The following SHLD1 variants were observed in gnomAD, a reference collection of about 807,000 sequenced individuals.
SHLD1 encodes RINN1-REV7-interacting novel NHEJ regulator 3.
A neutral mutation model predicts 5.5 loss-of-function variants in SHLD1; 3 were observed. The observed-to-expected ratio is 0.54, with a 90% confidence interval of 0.25 to 1.40. The LOEUF is 1.40. Among genes scored for constraint, SHLD1 ranks in the 40% most tolerant of loss-of-function variants. The pLI is 0.15. For missense variants in SHLD1, 210 were observed against 244.4 expected (o/e 0.86, Z 0.94); for synonymous variants, 92 against 94.3 (o/e 0.98, Z 0.14).
intron 2 of SHLD1, among the ~76,000 whole-genome samples, chr20:5,826,963 C>T (rs1030479086): frequency 5.3e-5 from 8 of 152,070 alleles, no homozygotes; most frequent in East Asian, 3.9e-4. Context: ...TCTCCCAGAC[C>T]CTCCCTCTCT....
At chr20:5,829,415 GCTTA>G (rs969940238) in intron 2 of SHLD1, among the ~76,000 whole-genome samples, 12 of 151,758 alleles carry the variant, frequency 7.9e-5, no homozygotes. Context: ...CTCTTATGAA[GCTTA>G]TATACTGGAG....
chr20:5,854,917 G>C (rs1953043261), intron 2 of SHLD1, among the ~76,000 whole-genome samples: 1 of 146,590 alleles, frequency 6.8e-6, no homozygotes, highest in African/African-American at 2.6e-5. Context: ...ACCCAGGCTG[G>C]AGTCCAGTGG....
At chr20:5,765,204 GAAAA>G (rs1050308978) in intron 1 of SHLD1, 2 of 147,294 alleles carry the variant, frequency 1.4e-5, no homozygotes, top group East Asian at 3.9e-4. Flanking sequence ...ACTGTGCGCA[GAAAA>G]AAAAAAGAAT....
chr20:5,800,851 G>T (rs910323741), intron 2 of SHLD1, among the ~76,000 whole-genome samples: 1 of 40,194 alleles, frequency 2.5e-5, no homozygotes, highest in Non-Finnish European at 5.4e-5. Context: ...CTGTGTGTGT[G>T]TGTGTGCGTA....
At chr20:5,819,849 T>C (rs1258487155) in intron 2 of SHLD1, among the ~76,000 whole-genome samples, 1 of 152,140 alleles carries the variant, frequency 6.6e-6, no homozygotes, top group Non-Finnish European at 1.5e-5. Flanking sequence ...AAAATCATCA[T>C]GTAACTTGCT....
At chr20:5,847,953 G>GC (rs1293815762) in intron 2 of SHLD1, among the ~76,000 whole-genome samples, 10 of 152,126 alleles carry the variant, frequency 6.6e-5, no homozygotes, top group African/African-American at 2.4e-4. Flanking sequence ...GTTCACTGAG[G>GC]CCTTATTTGT....
At chr20:5,795,539 C>A (rs2122318943) in intron 2 of SHLD1, among the ~76,000 whole-genome samples, 1 of 135,830 alleles carries the variant, frequency 7.4e-6, no homozygotes, top group African/African-American at 2.9e-5. Context: ...GCAGAGGTTG[C>A]AGTGAGCTGA....
At chr20:5,814,026 C>T (rs2122385178) in intron 2 of SHLD1, among the ~76,000 whole-genome samples, 1 of 139,968 alleles carries the variant, frequency 7.1e-6, no homozygotes, top group East Asian at 2.2e-4. Context: ...AGTCTCAGCT[C>T]ACTGCAAACG....
rs55776293 is a variant in SHLD1, at chr20:5,854,872, C to CTTTTTTT, written c.179-8146_179-8140dup. On this transcript the variant is annotated intron_variant, in intron 2 of 2. Transcript: ENST00000303142. ...CATTCTGTTTTCTGTCTCTATGACT[C>CTTTTTTT]TTTTTTTTTTTTAAGAGACAGGTCT... Among the ~76,000 whole-genome samples, 4 of 130,052 alleles carry CTTTTTTT rather than the reference C, an allele frequency of 3.1e-5. 1 individual carries two copies. The highest frequency in any genetic ancestry group is 4.8e-4 in the South Asian group (2 of 4,140). 85.3% of individuals were successfully genotyped at this position (130,052 alleles called of 152,430 possible). A position where few individuals can be genotyped will look rare whatever the true frequency, so the allele number is the denominator to read the frequency against.
At chr20:5,836,508 T>G (rs568456744) in intron 2 of SHLD1, among the ~76,000 whole-genome samples, 1 of 152,246 alleles carries the variant, frequency 6.6e-6, no homozygotes, top group Non-Finnish European at 1.5e-5. Flanking sequence ...CTAGCCACAG[T>G]GGCCTCTCAT....
rs147522456 is a variant in SHLD1 at position 5,800,620 on chromosome 20, G to A, written c.178+27577G>A. ...AAGGAGAATTGCTTGAACCTGGGGC[G>A]GAGGTTGCAGTGAGCCAAGATTGTG... On this transcript the variant is annotated intron_variant, in intron 2 of 2. Coordinates refer to ENST00000303142, the MANE Select transcript of SHLD1 (RefSeq NM_152504.4). Among the ~76,000 whole-genome samples, 789 of 152,168 alleles carry A rather than the reference G, an allele frequency of 5.2e-3. 8 individuals are homozygous for A. The highest frequency in any genetic ancestry group is 0.018 in the African/African-American group (745 of 41,470).
intron 2 of SHLD1, among the ~76,000 whole-genome samples, chr20:5,781,566 C>T (rs1000928768): frequency 6.6e-6 from 1 of 152,164 alleles, no homozygotes; most frequent in African/African-American, 2.4e-5. Context: ...CAACCTCCGC[C>T]TCCTGGGTTC....
chr20:5,782,249 C>T (rs991521140), intron 2 of SHLD1, among the ~76,000 whole-genome samples: 11 of 152,162 alleles, frequency 7.2e-5, no homozygotes, highest in Admixed American at 6.6e-4. Context: ...AATGGAAGAG[C>T]GGAGTTAAGA....
chr20:5,819,183 T>C (rs182087822), intron 2 of SHLD1, among the ~76,000 whole-genome samples: 44 of 152,034 alleles, frequency 2.9e-4, no homozygotes, highest in African/African-American at 9.9e-4. Context: ...CTTAATTCAG[T>C]CCCACTCCTC....
chr20:5,784,590 A>G (rs1347497964), intron 2 of SHLD1, among the ~76,000 whole-genome samples: 1 of 151,816 alleles, frequency 6.6e-6, no homozygotes, highest in Non-Finnish European at 1.5e-5. Flanking sequence ...AGCTGGGACT[A>G]CAGGCGCCCG....
At chr20:5,839,888 T>C (rs1212794869) in intron 2 of SHLD1, among the ~76,000 whole-genome samples, 1 of 152,214 alleles carries the variant, frequency 6.6e-6, no homozygotes, top group Non-Finnish European at 1.5e-5. Flanking sequence ...CACTGTTTGG[T>C]GGAAGAACCT....
chr20:5,841,542 T>A (rs962265059), intron 2 of SHLD1, among the ~76,000 whole-genome samples: 30 of 152,186 alleles, frequency 2.0e-4, no homozygotes, highest in African/African-American at 7.0e-4. Flanking sequence ...CAAATTTGTA[T>A]TCCTTTTTAG....
chr20:5,809,728 A>G (rs237073), intron 2 of SHLD1, among the ~76,000 whole-genome samples: 2,944 of 152,122 alleles, frequency 0.019, 126 homozygotes, highest in African/African-American at 0.067. Context: ...GTTTGGAGAC[A>G]TTTTTGGTTG....
At chr20:5,782,234 T>C (rs139740137) in intron 2 of SHLD1, among the ~76,000 whole-genome samples, 1 of 152,268 alleles carries the variant, frequency 6.6e-6, no homozygotes, top group Admixed American at 6.5e-5. Context: ...GCACAGAGTA[T>C]ACAGAATGGA....
Sources: allele counts gnomAD v4.1 joint callset (sites outside exome capture counted in the v4.1 genomes callset), GRCh38; gene constraint gnomAD v4.1.1; transcripts MANE v1.5; gene names NCBI Gene and HGNC (gene_info 2026-07-23, HGNC 2026-07-21).